PRR5: variants seen among roughly 807,000 people sequenced by gnomAD.
PRR5 encodes the protein proline rich 5.
A neutral mutation model predicts 30.6 loss-of-function variants in PRR5; 25 were observed. The observed-to-expected ratio is 0.82, with a 90% confidence interval of 0.60 to 1.14. The LOEUF (loss-of-function observed/expected upper bound fraction) is 1.14. Among genes scored for constraint, PRR5 ranks in the 50% most tolerant of loss-of-function variants. PRR5 has a pLI of 0.00. For synonymous variants in PRR5, 286 were observed against 247.1 expected (o/e 1.16, Z -1.48); for missense variants, 600 against 547.1 (o/e 1.10, Z -0.96).
intron 7 of PRR5, 136 bp downstream of exon 7, chr22:44,735,298 C>T (rs1184107607): frequency 6.2e-6 from 8 of 1,291,210 alleles, no homozygotes; most frequent in Non-Finnish European, 8.3e-6. Context: ...GGCAGCAGCC[C>T]CCAGCCTGCC....
chr22:44,681,007 G>A (rs1454274263), intron 1 of PRR5, among the ~76,000 whole-genome samples: 2 of 152,214 alleles, frequency 1.3e-5, no homozygotes, highest in Non-Finnish European at 2.9e-5. Context: ...GGCCACGATT[G>A]TCTGCCAGAC....
Position 44,668,980 on chromosome 22 carries a change from C to T in PRR5, c.-11+175C>T, listed in dbSNP as rs922504248. Among the ~76,000 whole-genome samples the T allele has an allele frequency of 3.3e-5, 5 of 151,456 alleles. No individual in the cohort carries two copies. In the East Asian group the frequency reaches 9.8e-4, roughly 30 times the overall value. ...CGCGCGCGCGACGCCGACTGCGGGGCCCTAGGGTGGGGTAGGGGTCGGACG... is the reference window on the plus strand; with the variant it reads ...CGCGCGCGCGACGCCGACTGCGGGGTCCTAGGGTGGGGTAGGGGTCGGACG... On this transcript the variant is annotated intron_variant, in intron 1 of 8. Transcript: ENST00000432186.
intron 1 of PRR5, among the ~76,000 whole-genome samples, chr22:44,710,134 C>T (rs1158511294): frequency 2.0e-5 from 3 of 152,146 alleles, no homozygotes; most frequent in African/African-American, 7.2e-5. Flanking sequence ...CTGTCCTCCC[C>T]CATGGCCTGT....
At chr22:44,715,654 G>A (rs929475410) in intron 2 of PRR5, among the ~76,000 whole-genome samples, 25 of 152,116 alleles carry the variant, frequency 1.6e-4, no homozygotes, top group African/African-American at 5.8e-4. Flanking sequence ...GGGGTGGGGG[G>A]CAGTTTGGTT....
In PRR5 at chr22:44,732,391, G is replaced by GGTGGGCACA. The variant is rs1922182623; in HGVS notation, c.555+8_555+16dup. On this transcript the variant is annotated inframe_insertion and splice_region_variant. Transcript: ENST00000336985. The stretch of plus-strand genomic sequence containing the variant: ...TCGTGCAGATGCTGCTGGTGCTGCA[G>GGTGGGCACA]GTGGGCACAGTGGGCAGAGGGTCGG... The GGTGGGCACA allele has an allele frequency of 1.9e-6, 3 of 1,607,094 alleles. No homozygotes were observed. The highest frequency in any genetic ancestry group is 2.5e-6 in the Non-Finnish European group (3 of 1,177,966).
intron 2 of PRR5, among the ~76,000 whole-genome samples, chr22:44,722,961 A>G (rs527625885): frequency 2.6e-4 from 40 of 151,660 alleles, no homozygotes; most frequent in South Asian, 1.9e-3. Flanking sequence ...GAAAATGACA[A>G]TTGTTCCATA....
Position 44,737,145 on chromosome 22 carries a change from C to T in PRR5, c.1065C>T (p.Ser355=), listed in dbSNP as rs759768271. The part of the protein sequence containing the change: ...PENLVDQILE[S]VDSDSEGIFI... ...ACCTGGTGGACCAGATCCTGGAGTC[C>T]GTGGACTCGGATTCTGAAGGGATTT... Residue 355 remains serine, a synonymous_variant, in exon 8 of 8, where the codon TCC becomes TCT. Transcript: ENST00000336985. 18 of 1,612,578 alleles carry T rather than the reference C, an allele frequency of 1.1e-5. No individual in the cohort carries two copies. Among genetic ancestry groups the T allele is most frequent in the South Asian group, 4.4e-5 (4 of 91,094 alleles).
In PRR5 at chr22:44,735,622, G is replaced by A. The variant is rs542881746; in HGVS notation, c.691+460G>A. Among the ~76,000 whole-genome samples, 30 of 152,276 alleles carry A rather than the reference G, an allele frequency of 2.0e-4. No individual in the cohort carries two copies. In the East Asian group the frequency reaches 2.3e-3, roughly 12 times the overall value. ...CAGCTGGCCACGTTGCTCCCTTGAC[G>A]GAGGGCCTCTGGGTTCCTTCAGCAA... is the stretch of plus-strand genomic sequence containing the variant. On this transcript the variant is annotated intron_variant, in intron 7 of 7. Transcript: ENST00000336985.
intron 1 of PRR5, 117 bp downstream of exon 1, chr22:44,702,725 G>A: frequency 5.8e-6 from 7 of 1,214,176 alleles, no homozygotes; most frequent in Non-Finnish European, 7.2e-6. Context: ...GCGGCGCGGC[G>A]CTTCACAGTT....
intron 4 of PRR5, among the ~76,000 whole-genome samples, chr22:44,727,480 G>A (rs146179806): frequency 3.3e-5 from 5 of 152,176 alleles, no homozygotes; most frequent in Admixed American, 1.3e-4. Flanking sequence ...GGACTGCCCC[G>A]AGTGTTTCAC....
chr22:44,714,645 G>A lies in PRR5; in HGVS notation c.189G>A (p.Glu63=). 6.2e-7 allele frequency: 1 copy of A among 1,613,854 alleles called. No individual in the cohort carries two copies. Among genetic ancestry groups the A allele is most frequent in the Non-Finnish European group, 8.5e-7 (1 of 1,180,012 alleles). ...AGCGCAAGGGGCTGCCCGACCAGGA[G>A]CTCTTCAGCCTCAACGAGGGCGTCC... ...VFQRKGLPDQ[E]LFSLNEGVRQ... Residue 63 remains glutamate (E), a synonymous_variant, in exon 2 of 8, where the codon GAG becomes GAA. Transcript: ENST00000336985.
chr22:44,709,904 A>C (rs1286073753), intron 1 of PRR5, among the ~76,000 whole-genome samples: 1 of 152,120 alleles, frequency 6.6e-6, no homozygotes, highest in Non-Finnish European at 1.5e-5. Context: ...TAAGGGAACA[A>C]ATTTGAGTTG....
chr22:44,712,414 G>A (rs1283696145), intron 1 of PRR5, among the ~76,000 whole-genome samples: 1 of 152,218 alleles, frequency 6.6e-6, no homozygotes, highest in African/African-American at 2.4e-5. Context: ...TGTGGGATAT[G>A]CAGCCTGTGA....
At chr22:44,684,148 C>T (rs1601954786) in intron 1 of PRR5, among the ~76,000 whole-genome samples, 2 of 152,284 alleles carry the variant, frequency 1.3e-5, no homozygotes, top group South Asian at 4.1e-4. Context: ...CACCTGTGGC[C>T]ACCCCAGCCC....
chr22:44,732,956 C>G (rs536996702), intron 6 of PRR5, among the ~76,000 whole-genome samples: 1 of 150,410 alleles, frequency 6.6e-6, no homozygotes, highest in East Asian at 1.9e-4. Flanking sequence ...TGCACACATA[C>G]GCGTGCACAC....
intron 1 of PRR5, among the ~76,000 whole-genome samples, chr22:44,685,569 AC>A (rs1170865346): frequency 3.2e-5 from 4 of 126,046 alleles, no homozygotes; most frequent in Admixed American, 1.8e-4. Flanking sequence ...TGAAAGCCAC[AC>A]CCCTCTCCCC....
At chr22:44,721,028 T>C (rs1184595526) in intron 2 of PRR5, among the ~76,000 whole-genome samples, 1 of 152,146 alleles carries the variant, frequency 6.6e-6, no homozygotes, top group African/African-American at 2.4e-5. Flanking sequence ...ACACCCGCAC[T>C]CATCATGGGC....
At chr22:44,703,087 T>G (rs550193437) in intron 1 of PRR5, among the ~76,000 whole-genome samples, 19 of 152,190 alleles carry the variant, frequency 1.2e-4, no homozygotes, top group Non-Finnish European at 4.4e-5. Flanking sequence ...CCCCCTGTCC[T>G]CCAGCTGTCA....
intron 2 of PRR5, among the ~76,000 whole-genome samples, chr22:44,724,322 G>C (rs1930361756): frequency 6.6e-6 from 1 of 152,136 alleles, no homozygotes; most frequent in African/African-American, 2.4e-5. Context: ...TGTAGTCCCA[G>C]CTACTCAGGA....
Sources: gnomAD v4.1 joint callset for allele counts (sites outside exome capture counted in the v4.1 genomes callset) on GRCh38, gnomAD v4.1.1 for gene constraint, MANE v1.5 for transcripts, NCBI Gene and HGNC (gene_info 2026-07-23, HGNC 2026-07-21) for gene names.